Variants in CSMD3 observed in about 807,000 individuals in gnomAD.
The protein encoded by CSMD3 is CUB and Sushi multiple domains 3.
In CSMD3, 177 loss-of-function variants were observed where a neutral mutation model predicts 435.2. The ratio of observed to expected loss-of-function variants is 0.41; its 90% CI spans 0.36 to 0.46. The LOEUF (loss-of-function observed/expected upper bound fraction) is 0.46. Ranked by LOEUF, CSMD3 falls within the 20% of genes least tolerant of loss-of-function variation. The probability of loss-of-function intolerance (pLI) is 0.34; values close to 1 mark genes in which losing one functional copy is unlikely to be tolerated. For missense variants in CSMD3, 4,265 were observed against 4,504.6 expected (o/e 0.95, Z 1.52); for synonymous variants, 1,656 against 1,520.5 (o/e 1.09, Z -2.07).
chr8:113,314,518 A>G (rs757635712), intron 2 of CSMD3, 53 bp downstream of exon 2: 1 of 1,056,732 alleles, frequency 9.5e-7, no homozygotes, highest in South Asian at 1.3e-5. Context: ...AAAATAAACT[A>G]CTTTTACCCA....
chr8:113,023,500 T>C (rs190330703), intron 5 of CSMD3, among the ~76,000 whole-genome samples: 3 of 152,252 alleles, frequency 2.0e-5, no homozygotes, highest in African/African-American at 4.8e-5. Context: ...AGATAAGATG[T>C]ATCCATCATG....
chr8:113,426,030 C>T (rs1012212480), intron 1 of CSMD3, among the ~76,000 whole-genome samples: 2 of 151,390 alleles, frequency 1.3e-5, no homozygotes, highest in African/African-American at 4.8e-5. Flanking sequence ...AGTTAGGTCA[C>T]TTAGAGTATG....
intron 32 of CSMD3, among the ~76,000 whole-genome samples, chr8:112,430,820 C>T (rs991604314): frequency 6.6e-6 from 1 of 151,708 alleles, no homozygotes; most frequent in Non-Finnish European, 1.5e-5. Flanking sequence ...TTAGCCTGTC[C>T]TAAATGTACT....
At chr8:112,891,395 T>C (rs1195484731) in intron 10 of CSMD3, among the ~76,000 whole-genome samples, 1 of 151,646 alleles carries the variant, frequency 6.6e-6, no homozygotes, top group African/African-American at 2.4e-5. Context: ...ATAGGAAATA[T>C]TTCTCACCCA....
At chr8:112,864,038 A>T (rs890115239) in intron 10 of CSMD3, among the ~76,000 whole-genome samples, 2 of 151,060 alleles carry the variant, frequency 1.3e-5, no homozygotes, top group Non-Finnish European at 2.9e-5. Context: ...GCAAAAAAAT[A>T]AAAAAAATTT....
At chr8:112,357,065 C>G (rs540551376) in intron 38 of CSMD3, among the ~76,000 whole-genome samples, 20 of 152,162 alleles carry the variant, frequency 1.3e-4, no homozygotes, top group Admixed American at 2.6e-4. Flanking sequence ...CAGAAGAAGA[C>G]AGGAAAAGAT....
In CSMD3 at chr8:112,974,742, G is replaced by T. The variant is rs796539767; in HGVS notation, c.1342+1095C>A. Among the ~76,000 whole-genome samples, 21 of 151,812 alleles carry T rather than the reference G, an allele frequency of 1.4e-4. 1 individual carries two copies. Among genetic ancestry groups the T allele is most frequent in the African/African-American group, 4.8e-4 (20 of 41,484 alleles). On this transcript the variant is annotated intron_variant, in intron 7 of 70. Transcript: ENST00000297405. ...AGTATTTTCAGTACAAATTCGAATGGAAACAAACTTCTGAGATATTTTTGT... is the reference window on the plus strand; with the variant it reads ...AGTATTTTCAGTACAAATTCGAATGTAAACAAACTTCTGAGATATTTTTGT...
chr8:112,362,188 G>T (rs1827312279), intron 38 of CSMD3, among the ~76,000 whole-genome samples: 1 of 151,880 alleles, frequency 6.6e-6, no homozygotes, highest in Admixed American at 6.6e-5. Flanking sequence ...AGGTACCTCA[G>T]AATCAATTGA....
chr8:112,887,845 A>C (rs531036006), intron 10 of CSMD3, among the ~76,000 whole-genome samples: 1 of 151,756 alleles, frequency 6.6e-6, no homozygotes, highest in Non-Finnish European at 1.5e-5. Flanking sequence ...ACATTTATTT[A>C]GTCCATAAAT....
chr8:112,273,578 T>C, intron 59 of CSMD3, among the ~76,000 whole-genome samples: 1 of 151,708 alleles, frequency 6.6e-6, no homozygotes, highest in East Asian at 2.0e-4. Flanking sequence ...ACAAAAAAAA[T>C]AGCCAGGCTT....
chr8:112,697,172 T>A (rs1435825711), intron 13 of CSMD3, among the ~76,000 whole-genome samples: 1 of 152,142 alleles, frequency 6.6e-6, no homozygotes, highest in Non-Finnish European at 1.5e-5. Context: ...AGTGTGGCAA[T>A]TCCTCAAGGC....
chr8:112,810,402 G>T (rs1301926190), intron 12 of CSMD3, among the ~76,000 whole-genome samples: 1 of 151,874 alleles, frequency 6.6e-6, no homozygotes, highest in Non-Finnish European at 1.5e-5. Context: ...GACGTTTATA[G>T]GTAAGACTGC....
chr8:112,245,863 C>T lies in CSMD3; in HGVS notation c.10222+1157G>A, dbSNP rs189091981. On this transcript the variant is annotated intron_variant, in intron 64 of 70. Transcript: ENST00000297405. ...TAAATGGTTTATATTTAATATATTG[C>T]AGTTAGTGAAATGTAATCCTCATGC... Among the ~76,000 whole-genome samples the T allele has an allele frequency of 4.7e-3, 710 of 152,194 alleles. 1 individual carries two copies. The highest frequency in any genetic ancestry group is 7.4e-3 in the Non-Finnish European group (505 of 68,004).
chr8:112,680,677 A>G (rs1299955329), intron 16 of CSMD3, among the ~76,000 whole-genome samples: 1 of 152,158 alleles, frequency 6.6e-6, no homozygotes, highest in African/African-American at 2.4e-5. Flanking sequence ...TACTAATGAG[A>G]AAGCAGTTAG....
chr8:112,916,676 G>T (rs2082581101), intron 10 of CSMD3, among the ~76,000 whole-genome samples: 1 of 151,854 alleles, frequency 6.6e-6, no homozygotes, highest in African/African-American at 2.4e-5. Context: ...ATTTCAGCAG[G>T]TTCTGATATG....
chr8:112,522,596 C>T (rs1446776354), intron 27 of CSMD3, among the ~76,000 whole-genome samples: 2 of 151,842 alleles, frequency 1.3e-5, no homozygotes, highest in East Asian at 1.9e-4. Flanking sequence ...ATGAACAAAA[C>T]TGTCATTTGT....
chr8:112,899,308 C>T (rs1418656361), intron 10 of CSMD3, among the ~76,000 whole-genome samples: 1 of 150,410 alleles, frequency 6.6e-6, no homozygotes, highest in South Asian at 2.1e-4. Context: ...ATGGCTCTAC[C>T]CTTATAGAAA....
intron 36 of CSMD3, among the ~76,000 whole-genome samples, chr8:112,384,377 C>T (rs1488893679): frequency 1.3e-5 from 2 of 152,012 alleles, no homozygotes; most frequent in South Asian, 2.1e-4. Context: ...TAATTCTCTC[C>T]TGTCTATTAC....
chr8:112,306,476 AT>A (rs1447258409), intron 50 of CSMD3, among the ~76,000 whole-genome samples: 3 of 152,248 alleles, frequency 2.0e-5, no homozygotes, highest in Middle Eastern at 3.4e-3. Flanking sequence ...GGTTATCAGC[AT>A]TTGTATGGAT....
Sources: gnomAD v4.1 joint callset for allele counts (sites outside exome capture counted in the v4.1 genomes callset) on GRCh38, gnomAD v4.1.1 for gene constraint, MANE v1.5 for transcripts, NCBI Gene and HGNC (gene_info 2026-07-23, HGNC 2026-07-21) for gene names.